The following PPP2R2C variants were observed in gnomAD, a reference collection of about 807,000 sequenced individuals.
PPP2R2C encodes the protein protein phosphatase 2 regulatory subunit Bgamma.
PPP2R2C carries 10 observed loss-of-function variants against 45.3 expected under a neutral mutation model. The observed-to-expected ratio is 0.22, with a 90% confidence interval of 0.14 to 0.37. The LOEUF is 0.37. Ranked by LOEUF, PPP2R2C falls within the 10% of genes least tolerant of loss-of-function variation. The pLI is 1.00. For missense variants in PPP2R2C, 308 were observed against 619.7 expected, an observed-to-expected ratio of 0.50 and a Z score of 5.34; for synonymous variants, 257 against 245.4, an observed-to-expected ratio of 1.05 and a Z score of -0.44.
chr4:6,451,988 T>G (rs1222093561), intron 1 of PPP2R2C, among the ~76,000 whole-genome samples: 5 of 152,070 alleles, frequency 3.3e-5, no homozygotes, highest in Non-Finnish European at 7.4e-5. Flanking sequence ...GCACAGGCAG[T>G]GTGGACCGAG....
At chr4:6,445,280 T>C (rs2108738974) in intron 1 of PPP2R2C, among the ~76,000 whole-genome samples, 1 of 152,330 alleles carries the variant, frequency 6.6e-6, no homozygotes, top group East Asian at 1.9e-4. Context: ...GAGAATATTC[T>C]AGACGCTTAT....
At chr4:6,550,603 GTCTACAATATT>G (rs1725152970) in intron 1 of PPP2R2C, among the ~76,000 whole-genome samples, 1 of 152,174 alleles carries the variant, frequency 6.6e-6, no homozygotes. Flanking sequence ...AGGGCAACCA[GTCTACAATATT>G]TCGCAGAGCA....
chr4:6,348,934 C>A (rs191157560), intron 5 of PPP2R2C: 14 of 897,152 alleles, frequency 1.6e-5, no homozygotes, highest in African/African-American at 7.2e-5. Flanking sequence ...GACTGTTACA[C>A]TAGAGCACAG....
intron 1 of PPP2R2C, among the ~76,000 whole-genome samples, chr4:6,541,464 G>A (rs1268080451): frequency 6.6e-6 from 1 of 152,182 alleles, no homozygotes; most frequent in African/African-American, 2.4e-5. Flanking sequence ...GAGCGCTGGA[G>A]CAGAGGTGGA....
intron 2 of PPP2R2C, among the ~76,000 whole-genome samples, chr4:6,533,816 C>T (rs1275391278): frequency 6.6e-6 from 1 of 152,106 alleles, no homozygotes; most frequent in Admixed American, 6.5e-5. Flanking sequence ...GGCCCGTCGA[C>T]CCGGGTGGCC....
At position 6,328,363 on chromosome 4, in the gene PPP2R2C, T is replaced by C. The variant is rs1261144546; in HGVS notation, c.1052+899A>G. ...GGCTGGACAAAGAGGCATCCTGTCC[T>C]TGAGGAAGCAGCTGTAGGAGACACT... On this transcript the variant is annotated intron_variant, in intron 8 of 8. Coordinates refer to ENST00000382599, the MANE Select transcript of PPP2R2C (RefSeq NM_020416.4). The surrounding 1 kb of genome is among the most constrained non-coding windows in gnomAD (Gnocchi z 4.4). Among the ~76,000 whole-genome samples the C allele has an allele frequency of 1.3e-5, 2 of 152,142 alleles. No individual in the cohort carries two copies. Among genetic ancestry groups the C allele is most frequent in the African/African-American group, 4.8e-5 (2 of 41,420 alleles).
At chr4:6,404,885 A>C (rs1427517954) in intron 1 of PPP2R2C, among the ~76,000 whole-genome samples, 1 of 152,236 alleles carries the variant, frequency 6.6e-6, no homozygotes, top group East Asian at 1.9e-4. Context: ...AACTGCGGTC[A>C]GGTCCGCCCT....
intron 6 of PPP2R2C, among the ~76,000 whole-genome samples, chr4:6,342,417 C>T (rs1733523067): frequency 6.6e-6 from 1 of 152,100 alleles, no homozygotes. Context: ...TATAACACAC[C>T]CATCATAGGT....
intron 1 of PPP2R2C, chr4:6,381,969 TG>T: frequency 6.9e-7 from 1 of 1,455,114 alleles, no homozygotes. Context: ...GCCCTGGGAG[TG>T]GGGGAGAGCA....
At chr4:6,379,169 AC>A (rs1174762656) in intron 2 of PPP2R2C, among the ~76,000 whole-genome samples, 1 of 152,062 alleles carries the variant, frequency 6.6e-6, no homozygotes, top group African/African-American at 2.4e-5. Context: ...GCAATGTCAG[AC>A]CTGGATTGGA....
chr4:6,470,023 G>C (rs899444206), intron 1 of PPP2R2C, among the ~76,000 whole-genome samples: 15 of 152,170 alleles, frequency 9.9e-5, no homozygotes, highest in Non-Finnish European at 1.8e-4. Context: ...GCACACAGCA[G>C]GTGCTCAGCA....
At chr4:6,542,019 G>A (rs1724816510) in intron 1 of PPP2R2C, among the ~76,000 whole-genome samples, 1 of 152,250 alleles carries the variant, frequency 6.6e-6, no homozygotes, top group Non-Finnish European at 1.5e-5. Flanking sequence ...ACAAATTCCT[G>A]TCCTTTATCC....
At position 6,350,610 on chromosome 4, in the gene PPP2R2C, G is replaced by A. The variant is rs918240275; in HGVS notation, c.626-2600C>T. On this transcript the variant is annotated intron_variant, in intron 5 of 8. Coordinates refer to ENST00000382599, the MANE Select transcript of PPP2R2C (RefSeq NM_020416.4). Reference sequence around the variant, plus strand: ...GGGCGCAGTGGGTGCAGGAGGACTCGGTGGGATGAAGTCAAATGCTGACAC... The same window carrying A: ...GGGCGCAGTGGGTGCAGGAGGACTCAGTGGGATGAAGTCAAATGCTGACAC... The A allele has an allele frequency of 3.8e-5, 37 of 985,342 alleles. No homozygotes were observed. In the Admixed American group the frequency reaches 1.3e-3, roughly 34 times the overall value. 61.0% of individuals were successfully genotyped at this position (985,342 alleles called of 1,614,324 possible).
intron 1 of PPP2R2C, 95 bp downstream of exon 1, chr4:6,472,065 C>T (rs1721928161): frequency 1.3e-6 from 2 of 1,493,238 alleles, no homozygotes; most frequent in Admixed American, 3.4e-5. Flanking sequence ...GGACACGACA[C>T]ACATCGCGCG....
intron 1 of PPP2R2C, among the ~76,000 whole-genome samples, chr4:6,392,916 G>A (rs577827975): frequency 2.6e-5 from 4 of 152,268 alleles, no homozygotes; most frequent in East Asian, 3.9e-4. Flanking sequence ...GGCAGGCAGC[G>A]AATGAAAGGA....
chr4:6,351,106 A>G, intron 5 of PPP2R2C: 1 of 796,272 alleles, frequency 1.3e-6, no homozygotes, highest in South Asian at 5.7e-5. Flanking sequence ...GGAGTTCGAG[A>G]CCAGCCTGAC....
intron 2 of PPP2R2C, among the ~76,000 whole-genome samples, chr4:6,508,823 G>A (rs1285372869): frequency 6.6e-6 from 1 of 152,146 alleles, no homozygotes; most frequent in African/African-American, 2.4e-5. Flanking sequence ...CCAAGTGCTG[G>A]CAGGCCACTG....
chr4:6,563,624 G>C (rs537515332), upstream of PPP2R2C: 8 of 152,040 alleles, frequency 5.3e-5, no homozygotes, highest in Admixed American at 4.0e-4. This position sits in a 1 kb window ranked among gnomAD's most constrained non-coding sequence, Gnocchi z 5.8. Context: ...CCTGGTCGGC[G>C]GCGGGCGCGG....
In PPP2R2C at chr4:6,511,703, TGGTGGA is replaced by T. The variant is rs1461366969; in HGVS notation, c.49+23562_49+23567del. ...GTGGTGGAGGTGATGGTGGTGATGG[TGGTGGA>T]GGTGATGGTGGTGATGGTGGTGGAG... On this transcript the variant is annotated intron_variant, in intron 2 of 9. Coordinates refer to the PPP2R2C transcript ENST00000506140. Among the ~76,000 whole-genome samples the T allele has an allele frequency of 4.8e-4, 32 of 66,140 alleles. 1 individual carries two copies. The highest frequency in any genetic ancestry group is 6.4e-4 in the Non-Finnish European group (18 of 27,996). The allele number at this position is 66,140 out of a possible 152,430, so 43.4% of individuals were successfully genotyped here.
Sources: gnomAD v4.1 joint callset for allele counts (sites outside exome capture counted in the v4.1 genomes callset) on GRCh38, gnomAD v4.1.1 for gene constraint, Gnocchi (gnomAD v3.1) non-coding constraint, MANE v1.5 for transcripts, NCBI Gene and HGNC (gene_info 2026-07-23, HGNC 2026-07-21) for gene names.